The following KCP variants were observed in gnomAD, a reference collection of about 807,000 sequenced individuals.
KCP encodes kielin cysteine rich BMP regulator, also known as kielin/chordin-like protein.
A neutral mutation model predicts 212.7 loss-of-function variants in KCP; 194 were observed. The ratio of observed to expected loss-of-function variants is 0.91; its 90% CI spans 0.81 to 1.03. The LOEUF (loss-of-function observed/expected upper bound fraction) is 1.03. Ranked by LOEUF, KCP falls within the 50% of genes least tolerant of loss-of-function variation. The pLI is 0.00. For synonymous variants in KCP, 833 were observed against 865.3 expected (o/e 0.96, Z 0.65); for missense variants, 2,080 against 2,162.5 (o/e 0.96, Z 0.76).
At position 128,877,202 on chromosome 7, in the gene KCP, G is replaced by T. The variant is rs567302036; in HGVS notation, c.4728C>A (p.Cys1576Ter). 2.0e-6 allele frequency: 3 copies of T among 1,481,918 alleles called. No individual in the cohort carries two copies. Among genetic ancestry groups the T allele is most frequent in the Non-Finnish European group, 2.7e-6 (3 of 1,116,548 alleles). 91.8% of individuals were successfully genotyped at this position (1,481,918 alleles called of 1,614,324 possible). ...GGCAGCCGGGCACGCAGGGCCTCAC[G>T]CAGTGGGCTGCCAGCTCCCCCAGGG... is the stretch of plus-strand genomic sequence containing the variant. ...HIPLGELAAH[C>*]VRPCVPGCQC... The change falls in exon 40 of 40, where the codon TGC becomes TGA. Residue 1576 changes from cysteine to a stop codon, truncating the protein, a stop_gained. Coordinates refer to ENST00000610776, the MANE Select transcript of KCP (RefSeq NM_001366122.1). LOFTEE classifies it high-confidence loss of function.
intron 1 of KCP, among the ~76,000 whole-genome samples, chr7:128,910,397 C>T (rs1375554418): frequency 6.6e-6 from 1 of 152,280 alleles, no homozygotes; most frequent in African/African-American, 2.4e-5. Context: ...CCGCCCCCCT[C>T]TCCTGAACCC....
chr7:128,908,271 A>AAAGAAAGAAAGAAAGAAAGG (rs1795251603), intron 2 of KCP, among the ~76,000 whole-genome samples, 155 bp downstream of exon 2: 1 of 149,684 alleles, frequency 6.7e-6, no homozygotes, highest in Non-Finnish European at 1.5e-5. Context: ...AGAAAGAAAG[A>AAAGAAAGAAAGAAAGAAAGG]AAGAAAGAAA....
intron 2 of KCP, 102 bp from the exon 3 acceptor site, chr7:128,907,555 G>T (rs533743358): frequency 1.3e-6 from 1 of 783,474 alleles, no homozygotes; most frequent in South Asian, 3.2e-5. Flanking sequence ...AAAGAAGTTC[G>T]CCAATTCCAG....
At chr7:128,894,395 G>A (rs543336769) in intron 8 of KCP, 102 bp from the exon 9 acceptor site, 9 of 890,106 alleles carry the variant, frequency 1.0e-5, no homozygotes, top group Admixed American at 2.8e-5. Flanking sequence ...GTGTTTATGG[G>A]TTGAATTGTG....
chr7:128,881,473 C>T (rs989582409), intron 31 of KCP, among the ~76,000 whole-genome samples, 153 bp downstream of exon 31: 1 of 146,934 alleles, frequency 6.8e-6, no homozygotes, highest in Non-Finnish European at 1.5e-5. Flanking sequence ...TCAAGAACAG[C>T]CCCCCTCCAT....
At chr7:128,892,256 G>A (rs1294522587) in intron 16 of KCP, among the ~76,000 whole-genome samples, 3 of 150,884 alleles carry the variant, frequency 2.0e-5, no homozygotes, top group Non-Finnish European at 3.0e-5. Flanking sequence ...AGCGTGGTGG[G>A]GCGGGGGGCA....
At position 128,904,221 on chromosome 7, in the gene KCP, T is replaced by C; in HGVS notation, c.572-83A>G. 4 of 1,513,798 alleles carry C rather than the reference T, an allele frequency of 2.6e-6. No homozygotes were observed. The South Asian group carries it at 3.6e-5, about 14-fold the overall frequency. The allele number at this position is 1,513,798 out of a possible 1,614,324, so 93.8% of individuals were successfully genotyped here. ...ACTTGAGGTAAGGCATGACCCCAAG[T>C]AGGTACTGGACCCTTGGGGTTGAAG... On this transcript the variant is annotated intron_variant, in intron 5 of 39. Coordinates refer to ENST00000610776, the MANE Select transcript of KCP (RefSeq NM_001366122.1).
chr7:128,891,834 G>T lies in KCP; in HGVS notation c.1622-15C>A, dbSNP rs375246450. The T allele has an allele frequency of 2.1e-6, 3 of 1,437,120 alleles. No homozygotes were observed. Among genetic ancestry groups the T allele is most frequent in the Admixed American group, 3.0e-5 (1 of 32,908 alleles). The allele number at this position is 1,437,120 out of a possible 1,614,324, so 89.0% of individuals were successfully genotyped here. A position where few individuals can be genotyped will look rare whatever the true frequency, so the allele number is the denominator to read the frequency against. On this transcript the variant is annotated splice_polypyrimidine_tract_variant and intron_variant, in intron 16 of 39. Coordinates refer to ENST00000610776, the MANE Select transcript of KCP (RefSeq NM_001366122.1). ...CAGGATGCAGTCTGGGCAGTGGATGGTGGGGGCAGGTATGAGGGCAAAGCC... is the reference window on the plus strand; with the variant it reads ...CAGGATGCAGTCTGGGCAGTGGATGTTGGGGGCAGGTATGAGGGCAAAGCC...
Position 128,892,816 on chromosome 7 carries a change from G to A in KCP, c.1421-22C>T, listed in dbSNP as rs1376127037. On this transcript the variant is annotated intron_variant, in intron 14 of 39. Coordinates refer to ENST00000610776, the MANE Select transcript of KCP (RefSeq NM_001366122.1). ...GCACCTGGGTGGGGCAGGCTGGTCA[G>A]GGTGAGCTGGGTAATGCAGGGGAAG... The A allele has an allele frequency of 2.6e-6, 4 of 1,551,612 alleles. No individual in the cohort carries two copies. In the East Asian group the frequency reaches 9.8e-5, roughly 38 times the overall value.
At chr7:128,893,940 G>C in intron 10 of KCP, 36 bp downstream of exon 10, 1 of 1,549,632 alleles carries the variant, frequency 6.5e-7, no homozygotes, top group South Asian at 1.2e-5. Flanking sequence ...GGCAGGCCCC[G>C]GAGCCAGGCC....
In KCP at chr7:128,894,191, C is replaced by T. The variant is rs1794375470; in HGVS notation, c.925+9G>A. 1 of 1,520,648 alleles carries T rather than the reference C, an allele frequency of 6.6e-7. No individual in the cohort carries two copies. Among genetic ancestry groups the T allele is most frequent in the South Asian group, 1.3e-5 (1 of 79,908 alleles). The allele number at this position is 1,520,648 out of a possible 1,614,324, so 94.2% of individuals were successfully genotyped here. ...CATGGTCAGGCCTCTGCCCTACCCA[C>T]TGACTCACCATCACACACAGGGCAG... On this transcript the variant is annotated intron_variant, in intron 9 of 39. Transcript: ENST00000610776.
In KCP at chr7:128,885,078, C is replaced by T. The variant is rs561825522; in HGVS notation, c.3040+19G>A. 1.0e-4 allele frequency: 158 copies of T among 1,550,528 alleles called. 1 individual carries two copies. The South Asian group carries it at 1.3e-3, about 12-fold the overall frequency. ...GGCTCCCTCCTCGCCTTTCCCCTCC[C>T]GCCCCAGGCTTCCAGTACCAGAGCA... On this transcript the variant is annotated intron_variant, in intron 27 of 39. Coordinates refer to ENST00000610776, the MANE Select transcript of KCP (RefSeq NM_001366122.1).
chr7:128,886,985 T>C lies in KCP; in HGVS notation c.2599-19A>G. On this transcript the variant is annotated intron_variant, in intron 23 of 39. Transcript: ENST00000610776. Reference sequence around the variant, plus strand: ...AACCTTCCTGGGGGAGAGAGGCCCATCACACCCTCAACTGGACTGCACATT... The same window carrying C: ...AACCTTCCTGGGGGAGAGAGGCCCACCACACCCTCAACTGGACTGCACATT... The C allele has an allele frequency of 7.5e-7, 1 of 1,325,936 alleles. No individual in the cohort carries two copies. 82.1% of individuals were successfully genotyped at this position (1,325,936 alleles called of 1,614,324 possible).
At chr7:128,909,970 C>T (rs1435233751) in intron 1 of KCP, among the ~76,000 whole-genome samples, 2 of 152,202 alleles carry the variant, frequency 1.3e-5, no homozygotes, top group African/African-American at 4.8e-5. Flanking sequence ...CCAATCTAGA[C>T]TCCCGTGGGG....
At position 128,881,100 on chromosome 7, in the gene KCP, A is replaced by C. The variant is rs1246676804; in HGVS notation, c.3425-15T>G. 39 of 398,724 alleles carry C rather than the reference A, an allele frequency of 9.8e-5. No homozygotes were observed. The East Asian group carries it at 1.4e-3, about 14-fold the overall frequency. The allele number at this position is 398,724 out of a possible 1,614,324, so 24.7% of individuals were successfully genotyped here. A position where few individuals can be genotyped will look rare whatever the true frequency, so the allele number is the denominator to read the frequency against. ...CACCACACATTCTGAGGGGGGAGAC[A>C]TGGGATGGGCAGGCACTGTCCCTCC... On this transcript the variant is annotated splice_polypyrimidine_tract_variant and intron_variant, in intron 31 of 39. Transcript: ENST00000610776.
At chr7:128,904,316 G>A (rs1255181272) in intron 5 of KCP, 178 bp from the exon 6 acceptor site, 22 of 1,552,076 alleles carry the variant, frequency 1.4e-5, no homozygotes, top group Non-Finnish European at 1.9e-5. Context: ...CTCCCCAGGT[G>A]GGGTGCAGCT....
rs768337211 is a variant in KCP at position 128,894,264 on chromosome 7, T to C, written c.861A>G (p.Glu287=). 6.5e-7 allele frequency: 1 copy of C among 1,544,350 alleles called. No homozygotes were observed. Among genetic ancestry groups the C allele is most frequent in the South Asian group, 1.2e-5 (1 of 83,090 alleles). Residue 287 remains glutamate, a synonymous_variant, in exon 9 of 40, where the codon GAA becomes GAG. Coordinates refer to ENST00000610776, the MANE Select transcript of KCP (RefSeq NM_001366122.1). The part of the protein sequence containing the change: ...LEGHIQCRQR[E]CASLCPYPAR... ...CTGGGTATGGACACAGGCTGGCACA[T>C]TCTCGCTGGCGGCACTGGATGTGAC...
intron 7 of KCP, chr7:128,903,358 G>A (rs1454125987): frequency 6.7e-6 from 2 of 298,232 alleles, no homozygotes; most frequent in Non-Finnish European, 1.2e-5. Flanking sequence ...ACACTAGCTG[G>A]TGCCTGCTTC....
rs748855812 is a variant in KCP, at chr7:128,877,715, G to A, written c.4387C>T (p.Arg1463Cys). 2.9e-5 allele frequency: 45 copies of A among 1,551,010 alleles called. No homozygotes were observed. Among genetic ancestry groups the A allele is most frequent in the Middle Eastern group, 1.7e-4 (1 of 6,012 alleles). The stretch of plus-strand genomic sequence containing the variant: ...CGGGCATTGGCCTCACGCCTGGCAC[G>A]GTAACCTGCTGCCCGGCACGGATCC... ...EVDPCRAAGY[R>C]ARREANARCG... Residue 1463 changes from arginine (R) to cysteine (C), a missense_variant, in exon 39 of 40, where the codon CGT becomes TGT. Coordinates refer to ENST00000610776, the MANE Select transcript of KCP (RefSeq NM_001366122.1).
Sources: allele counts gnomAD v4.1 joint callset (sites outside exome capture counted in the v4.1 genomes callset), GRCh38; gene constraint gnomAD v4.1.1; transcripts MANE v1.5; gene names NCBI Gene and HGNC (gene_info 2026-07-23, HGNC 2026-07-21).